Variants in FDX1 observed in about 807,000 individuals in gnomAD.
FDX1 encodes the protein ferredoxin 1.
In FDX1, 9 loss-of-function variants were observed where a neutral mutation model predicts 14.9. The observed-to-expected ratio is 0.60, with a 90% CI of 0.36 to 1.05. FDX1 has a LOEUF of 1.05. Among genes scored for constraint, FDX1 ranks in the 50% least tolerant of loss-of-function variants. FDX1 has a pLI of 0.01. For missense variants in FDX1, 204 were observed against 237.2 expected, an observed-to-expected ratio of 0.86 and a Z score of 0.92; for synonymous variants, 92 against 99.4, an observed-to-expected ratio of 0.93 and a Z score of 0.44.
chr11:110,444,663 T>TATAC (rs1190066293), intron 2 of FDX1, among the ~76,000 whole-genome samples: 25 of 68,692 alleles, frequency 3.6e-4, no homozygotes, highest in African/African-American at 1.4e-3. Flanking sequence ...TATATATATA[T>TATAC]ACGTATATAT....
chr11:110,434,334 ATTTTT>A lies in FDX1; in HGVS notation c.186-1485_186-1481del, dbSNP rs1555068018. Among the ~76,000 whole-genome samples, 21 of 126,380 alleles carry A rather than the reference ATTTTT, an allele frequency of 1.7e-4. No homozygotes were observed. In the East Asian group the frequency reaches 1.7e-3, roughly 10 times the overall value. The allele number at this position is 126,380 out of a possible 152,430, so 82.9% of individuals were successfully genotyped here. A position where few individuals can be genotyped will look rare whatever the true frequency, so the allele number is the denominator to read the frequency against. Reference sequence around the variant, plus strand: ...CACTGGAAAAGCAATCGCCCTATTGATTTTTTTTTTTTTTTTTTTGGAGACAGAGT... The same window carrying A: ...CACTGGAAAAGCAATCGCCCTATTGATTTTTTTTTTTTTTGGAGACAGAGT... On this transcript the variant is annotated intron_variant, in intron 1 of 3. Coordinates refer to ENST00000260270, the MANE Select transcript of FDX1 (RefSeq NM_004109.5).
intron 1 of FDX1, among the ~76,000 whole-genome samples, chr11:110,430,765 A>G (rs1339154457): frequency 6.6e-6 from 1 of 152,052 alleles, no homozygotes; most frequent in Non-Finnish European, 1.5e-5. Context: ...CCCTGCTTTG[A>G]GAGGACACCC....
chr11:110,449,386 G>A (rs867546554), intron 2 of FDX1, among the ~76,000 whole-genome samples: 1 of 152,192 alleles, frequency 6.6e-6, no homozygotes, highest in African/African-American at 2.4e-5. Context: ...AAGGCATGAA[G>A]TATGTTATTA....
chr11:110,432,268 G>T (rs932655616), intron 1 of FDX1, among the ~76,000 whole-genome samples: 1 of 152,144 alleles, frequency 6.6e-6, no homozygotes. Context: ...GATCTTTCAC[G>T]TGTATTGTTT....
intron 3 of FDX1, among the ~76,000 whole-genome samples, chr11:110,460,110 A>G (rs2134694493): frequency 6.6e-6 from 1 of 152,364 alleles, no homozygotes; most frequent in African/African-American, 2.4e-5. Flanking sequence ...GAATTTGTCC[A>G]AATTGGCTTG....
chr11:110,430,840 C>A (rs963228726), intron 1 of FDX1, among the ~76,000 whole-genome samples: 1 of 152,222 alleles, frequency 6.6e-6, no homozygotes, highest in Non-Finnish European at 1.5e-5. Context: ...CTCTGCTGCC[C>A]TGTAGGCCCT....
chr11:110,446,320 A>G (rs1565382499), intron 2 of FDX1, among the ~76,000 whole-genome samples: 1 of 152,238 alleles, frequency 6.6e-6, no homozygotes, highest in Non-Finnish European at 1.5e-5. Context: ...TGCATTTGTC[A>G]TAAGTCATAC....
intron 1 of FDX1, among the ~76,000 whole-genome samples, chr11:110,431,313 A>G (rs549661688): frequency 4.6e-5 from 7 of 152,370 alleles, no homozygotes; most frequent in African/African-American, 1.2e-4. Flanking sequence ...GTGGCGATTT[A>G]TATAATGCAG....
In FDX1 at chr11:110,434,009, A is replaced by G. The variant is rs569281477; in HGVS notation, c.186-1825A>G. 4.9e-4 allele frequency among the ~76,000 whole-genome samples: 74 copies of G among 152,338 alleles called. No homozygotes were observed. The South Asian group carries it at 8.7e-3, about 18-fold the overall frequency. On this transcript the variant is annotated intron_variant, in intron 1 of 3. Coordinates refer to ENST00000260270, the MANE Select transcript of FDX1 (RefSeq NM_004109.5). Reference sequence around the variant, plus strand: ...ATTTTAAGTTGAAGAGAATCTTTTCAAGTGTGAGGTAAAAATTAAAATGAC... The same window carrying G: ...ATTTTAAGTTGAAGAGAATCTTTTCGAGTGTGAGGTAAAAATTAAAATGAC...
In FDX1 at chr11:110,435,835, T is replaced by C; in HGVS notation, c.187T>C (p.Ser63Pro). 1 of 1,592,876 alleles carries C rather than the reference T, an allele frequency of 6.3e-7. No individual in the cohort carries two copies. The highest frequency in any genetic ancestry group is 8.5e-7 in the Non-Finnish European group (1 of 1,169,860). Residue 63 changes from serine to proline, a missense_variant and splice_region_variant, in exon 2 of 4, where the codon TCA (serine) becomes CCA (proline). By Grantham distance (74) the Ser-to-Pro change is moderately conservative. Transcript: ENST00000260270. Reference protein sequence around the residue: ...LSVSARARSSSEDKITVHFIN... With the variant: ...LSVSARARSSPEDKITVHFIN... Reference sequence around the variant, plus strand: ...CTAAAGGACTGTTTTTTTTTCCAGCTCAGAAGATAAAATAACAGTCCACTT... The same window carrying C: ...CTAAAGGACTGTTTTTTTTTCCAGCCCAGAAGATAAAATAACAGTCCACTT...
chr11:110,434,929 AT>A (rs572794098), intron 1 of FDX1, among the ~76,000 whole-genome samples: 2 of 150,790 alleles, frequency 1.3e-5, no homozygotes, highest in Non-Finnish European at 3.0e-5. Context: ...TTTTATTTTT[AT>A]TTTTTGTAGC....
chr11:110,430,018 C>T lies in FDX1; in HGVS notation c.-103C>T, dbSNP rs1946318287. On this transcript the variant is annotated 5_prime_UTR_variant, in exon 1 of 4. Coordinates refer to ENST00000260270, the MANE Select transcript of FDX1 (RefSeq NM_004109.5). ...TCCAGCCCCGCGCCCCTCGCCGCGG[C>T]CCTCGGGCGTCTGCGCCGCAGCTGC... is the stretch of plus-strand genomic sequence containing the variant. 4 of 835,828 alleles carry T rather than the reference C, an allele frequency of 4.8e-6. No individual in the cohort carries two copies. Among genetic ancestry groups the T allele is most frequent in the Non-Finnish European group, 6.3e-6 (4 of 638,398 alleles). The allele number at this position is 835,828 out of a possible 1,614,324, so 51.8% of individuals were successfully genotyped here. A position where few individuals can be genotyped will look rare whatever the true frequency, so the allele number is the denominator to read the frequency against.
At chr11:110,444,724 G>GTATATA (rs1332438783) in intron 2 of FDX1, among the ~76,000 whole-genome samples, 3 of 27,428 alleles carry the variant, frequency 1.1e-4, no homozygotes, top group African/African-American at 6.2e-4. Context: ...ATATATATAC[G>GTATATA]TATATATATA....
chr11:110,461,537 T>C (rs1000802034), intron 3 of FDX1, among the ~76,000 whole-genome samples: 1 of 134,716 alleles, frequency 7.4e-6, no homozygotes, highest in African/African-American at 2.8e-5. Context: ...AAACACAAAA[T>C]AAAATTAGTA....
chr11:110,460,135 T>C (rs1278892084), intron 3 of FDX1, among the ~76,000 whole-genome samples: 2 of 152,250 alleles, frequency 1.3e-5, no homozygotes, highest in Non-Finnish European at 1.5e-5. Flanking sequence ...TTTTTCTCTC[T>C]TGCAGACAGA....
intron 1 of FDX1, among the ~76,000 whole-genome samples, chr11:110,431,726 G>C (rs1946333201): frequency 6.6e-6 from 1 of 152,218 alleles, no homozygotes; most frequent in African/African-American, 2.4e-5. Flanking sequence ...GTAATTGGGA[G>C]TTATCTTTCT....
intron 2 of FDX1, among the ~76,000 whole-genome samples, chr11:110,450,038 G>A (rs575551351): frequency 1.3e-5 from 2 of 152,222 alleles, no homozygotes; most frequent in South Asian, 4.2e-4. Flanking sequence ...GGTAACTACC[G>A]TTGTATTTTC....
chr11:110,456,205 G>A (rs116314485), intron 2 of FDX1, among the ~76,000 whole-genome samples: 1,724 of 152,270 alleles, frequency 0.011, 32 homozygotes, highest in African/African-American at 0.039. Flanking sequence ...CTATAGGTTT[G>A]ATTGCTTTCT....
At chr11:110,448,241 T>C (rs1224097614) in intron 2 of FDX1, among the ~76,000 whole-genome samples, 2 of 152,202 alleles carry the variant, frequency 1.3e-5, no homozygotes, top group Admixed American at 1.3e-4. Context: ...AAGATCCTGA[T>C]TGTGTTTGTA....
Sources: allele counts gnomAD v4.1 joint callset (sites outside exome capture counted in the v4.1 genomes callset), GRCh38; gene constraint gnomAD v4.1.1; transcripts MANE v1.5; gene names NCBI Gene and HGNC (gene_info 2026-07-23, HGNC 2026-07-21).